The following ZNF780B variants were observed in gnomAD, a reference collection of about 807,000 sequenced individuals.
The protein encoded by ZNF780B is zinc finger protein 779.
In ZNF780B, 52 loss-of-function variants were observed where a neutral mutation model predicts 74.1. That is an observed-to-expected ratio of 0.70 (90% CI 0.56 to 0.88). The LOEUF is 0.88. ZNF780B is among the 40% of genes least tolerant of loss of function. The probability of loss-of-function intolerance (pLI) is 0.00; values close to 1 mark genes in which losing one functional copy is unlikely to be tolerated. For synonymous variants in ZNF780B, 315 were observed against 324.3 expected, an observed-to-expected ratio of 0.97 and a Z score of 0.31; for missense variants, 953 against 1,007.6, an observed-to-expected ratio of 0.95 and a Z score of 0.73.
intron 4 of ZNF780B, among the ~76,000 whole-genome samples, chr19:40,046,489 A>G (rs181537422): frequency 1.1e-4 from 17 of 152,356 alleles, no homozygotes; most frequent in African/African-American, 4.1e-4. Flanking sequence ...CGTAACTCTC[A>G]GACCTTTCTT....
In ZNF780B at chr19:40,050,521, T is replaced by C. The variant is rs1035619763; in HGVS notation, c.-45-144A>G. The C allele has an allele frequency of 1.3e-5, 11 of 854,578 alleles. No homozygotes were observed. The Middle Eastern group carries it at 1.4e-3, about 108-fold the overall frequency. 52.9% of individuals were successfully genotyped at this position (854,578 alleles called of 1,614,324 possible). ...CCACCCTTCTCCCGTCACTCCCTTT[T>C]TCCCTACACACACTCTCACAAATAA... On this transcript the variant is annotated intron_variant, in intron 1 of 4. Transcript: ENST00000434248.
In ZNF780B at chr19:40,034,801, CTGAA is replaced by C; in HGVS notation, c.2054_2057del (p.Ile685SerfsTer52). ...TCGCACTGGAATGAGTTTTCTGATG[CTGAA>C]TAAGGTTTGAAACACGACTAAAGCC... On this transcript the variant is annotated frameshift_variant, in exon 5 of 5. Coordinates refer to ENST00000434248, the MANE Select transcript of ZNF780B (RefSeq NM_001005851.3). LOFTEE classifies it high-confidence loss of function. 6.2e-7 allele frequency: 1 copy of C among 1,613,812 alleles called. No homozygotes were observed. Among genetic ancestry groups the C allele is most frequent in the Non-Finnish European group, 8.5e-7 (1 of 1,179,940 alleles).
chr19:40,052,364 T>C (rs1033595796), intron 1 of ZNF780B, among the ~76,000 whole-genome samples: 2 of 152,200 alleles, frequency 1.3e-5, no homozygotes, highest in Non-Finnish European at 2.9e-5. Context: ...ATCAATGTTC[T>C]ATCTAGATCA....
At chr19:40,050,480 G>T in intron 1 of ZNF780B, 103 bp from the exon 2 acceptor site, 1 of 1,145,646 alleles carries the variant, frequency 8.7e-7, no homozygotes, top group Non-Finnish European at 1.2e-6. Flanking sequence ...AACTACTCCT[G>T]CTCACACGCA....
intron 1 of ZNF780B, chr19:40,055,894 C>T (rs1470262820): frequency 6.5e-6 from 1 of 153,718 alleles, no homozygotes; most frequent in Admixed American, 6.5e-5. Context: ...CACAGTGACA[C>T]TCACACAGCC....
At position 40,047,194 on chromosome 19, in the gene ZNF780B, G is replaced by C. The variant is rs1880722662; in HGVS notation, c.232+181C>G. On this transcript the variant is annotated intron_variant, in intron 4 of 4. Coordinates refer to ENST00000434248, the MANE Select transcript of ZNF780B (RefSeq NM_001005851.3). ...GATTAGTAAATGATGAAGTTCCTTG[G>C]GGACAGCTCCTACAGTGATCTTATT... The C allele has an allele frequency of 5.4e-6, 3 of 559,474 alleles. No individual in the cohort carries two copies. The South Asian group carries it at 6.3e-5, about 12-fold the overall frequency. The allele number at this position is 559,474 out of a possible 1,614,324, so 34.7% of individuals were successfully genotyped here. A position where few individuals can be genotyped will look rare whatever the true frequency, so the allele number is the denominator to read the frequency against.
chr19:40,047,581 G>C (rs1972991717), intron 3 of ZNF780B, 111 bp from the exon 4 acceptor site: 3 of 609,362 alleles, frequency 4.9e-6, no homozygotes, highest in Non-Finnish European at 8.0e-6. Flanking sequence ...ATATTGAGAA[G>C]AGACTCCAGA....
At position 40,031,652 on chromosome 19, in the gene ZNF780B, T is replaced by C. The variant is rs1483495207; in HGVS notation, c.*2705A>G. 1 of 155,698 alleles carries C rather than the reference T, an allele frequency of 6.4e-6. No individual in the cohort carries two copies. Among genetic ancestry groups the C allele is most frequent in the African/African-American group, 2.4e-5 (1 of 41,500 alleles). 9.6% of individuals were successfully genotyped at this position (155,698 alleles called of 1,614,324 possible). A position where few individuals can be genotyped will look rare whatever the true frequency, so the allele number is the denominator to read the frequency against. On this transcript the variant is annotated 3_prime_UTR_variant, in exon 5 of 5. Transcript: ENST00000434248. ...TGAACAAAAAAGAGGTTCCGGACAA[T>C]CTTGGCTCCCTATACAATCCAAAGG...
chr19:40,035,298 T>G lies in ZNF780B; in HGVS notation c.1561A>C (p.Ser521Arg). The G allele has an allele frequency of 1.2e-6, 2 of 1,614,140 alleles. No individual in the cohort carries two copies. Among genetic ancestry groups the G allele is most frequent in the South Asian group, 2.2e-5 (2 of 91,080 alleles). Residue 521 changes from serine to arginine, a missense_variant, in exon 5 of 5, where the codon AGT becomes CGT. Coordinates refer to ENST00000434248, the MANE Select transcript of ZNF780B (RefSeq NM_001005851.3). Reference sequence around the variant, plus strand: ...TAGGGCTTCTCACCAGTGTGAATACTCTGATGTTGAACAAGGTTCGAGCCA... The same window carrying G: ...TAGGGCTTCTCACCAGTGTGAATACGCTGATGTTGAACAAGGTTCGAGCCA... ...NRGSNLVQHQ[S>R]IHTGEKPYEC... is the part of the protein sequence containing the mutation.
intron 1 of ZNF780B, among the ~76,000 whole-genome samples, chr19:40,055,836 C>A (rs1196732465): frequency 6.6e-6 from 1 of 152,228 alleles, no homozygotes; most frequent in Non-Finnish European, 1.5e-5. Flanking sequence ...GCCTCTGCAG[C>A]TTTGAAGGGG....
intron 4 of ZNF780B, among the ~76,000 whole-genome samples, chr19:40,039,857 C>G (rs1304264965): frequency 6.6e-6 from 1 of 151,748 alleles, no homozygotes; most frequent in African/African-American, 2.4e-5. Context: ...CATCTGCAAA[C>G]AGGGACAATT....
rs1472566173 is a variant in ZNF780B, at chr19:40,029,929, C to T, written c.*4428G>A. ...TGAGCATAAATAATAATAATTACTA[C>T]AGGTGCTTCTCAACTTACGGGGAGT... On this transcript the variant is annotated 3_prime_UTR_variant, in exon 5 of 5. Coordinates refer to ENST00000434248, the MANE Select transcript of ZNF780B (RefSeq NM_001005851.3). 2 of 152,164 alleles carry T rather than the reference C, an allele frequency of 1.3e-5. No homozygotes were observed. The highest frequency in any genetic ancestry group is 4.8e-5 in the African/African-American group (2 of 41,424). The allele number at this position is 152,164 out of a possible 1,614,324, so 9.4% of individuals were successfully genotyped here. A position where few individuals can be genotyped will look rare whatever the true frequency, so the allele number is the denominator to read the frequency against.
Position 40,035,483 on chromosome 19 carries a change from T to G in ZNF780B, c.1376A>C (p.Gln459Pro), listed in dbSNP as rs911349019. Residue 459 changes from glutamine to proline, a missense_variant, in exon 5 of 5, where the codon CAA (glutamine) becomes CCA (proline). Physicochemically the swap from Gln to Pro is moderately conservative, Grantham distance 76. Coordinates refer to ENST00000434248, the MANE Select transcript of ZNF780B (RefSeq NM_001005851.3). ...ATGAATTTGGCAATGTTGAATAAGT[T>G]GGTAATGATATCGAAAGGCCATCTC... ...ECEMAFRYHYQLIQHCQIHTG... is the reference protein window; with the variant it reads ...ECEMAFRYHYPLIQHCQIHTG... 1.9e-6 allele frequency: 3 copies of G among 1,614,080 alleles called. No individual in the cohort carries two copies. In the African/African-American group the frequency reaches 4.0e-5, roughly 22 times the overall value.
rs1394988620 is a variant in ZNF780B, at chr19:40,028,960, T to C, written c.*5397A>G. 1 of 152,260 alleles carries C rather than the reference T, an allele frequency of 6.6e-6. No homozygotes were observed. The highest frequency in any genetic ancestry group is 1.5e-5 in the Non-Finnish European group (1 of 68,042). The allele number at this position is 152,260 out of a possible 1,614,324, so 9.4% of individuals were successfully genotyped here. A position where few individuals can be genotyped will look rare whatever the true frequency, so the allele number is the denominator to read the frequency against. ...CTTGGAGAAATAACTGCAGTCCTTA[T>C]TCTAGATAGTCACAGCCAACTATCA... On this transcript the variant is annotated 3_prime_UTR_variant, in exon 5 of 5. Coordinates refer to ENST00000434248, the MANE Select transcript of ZNF780B (RefSeq NM_001005851.3).
intron 4 of ZNF780B, among the ~76,000 whole-genome samples, chr19:40,043,410 G>C (rs962093298): frequency 3.9e-5 from 6 of 152,234 alleles, no homozygotes; most frequent in African/African-American, 1.2e-4. Flanking sequence ...CAGATCTCCA[G>C]CTGCGTGCTG....
intron 4 of ZNF780B, among the ~76,000 whole-genome samples, chr19:40,044,775 A>G (rs1972857399): frequency 1.3e-5 from 2 of 152,360 alleles, no homozygotes; most frequent in Non-Finnish European, 2.9e-5. Context: ...AAAAAATAAA[A>G]GAGAAAGGAA....
intron 1 of ZNF780B, among the ~76,000 whole-genome samples, chr19:40,050,908 G>GT (rs1180167091): frequency 6.6e-6 from 1 of 152,196 alleles, no homozygotes; most frequent in Admixed American, 6.5e-5. Flanking sequence ...GCCAGCTGGG[G>GT]TAAGTACAGT....
At chr19:40,043,523 G>C (rs1270169036) in intron 4 of ZNF780B, among the ~76,000 whole-genome samples, 1 of 152,262 alleles carries the variant, frequency 6.6e-6, no homozygotes, top group East Asian at 1.9e-4. Flanking sequence ...GCCTACAGAG[G>C]CAGGCAGTCC....
Position 40,033,656 on chromosome 19 carries a change from G to C in ZNF780B, c.*701C>G, listed in dbSNP as rs1415559285. 1 of 154,460 alleles carries C rather than the reference G, an allele frequency of 6.5e-6. No homozygotes were observed. The highest frequency in any genetic ancestry group is 6.5e-5 in the Admixed American group (1 of 15,300). 9.6% of individuals were successfully genotyped at this position (154,460 alleles called of 1,614,324 possible). On this transcript the variant is annotated 3_prime_UTR_variant, in exon 5 of 5. Transcript: ENST00000434248. ...GAGTAAATTTTTCATACACAGTGAA[G>C]GCTTGTCTACACTCCTTATATTCAT...
Sources: allele counts gnomAD v4.1 joint callset (sites outside exome capture counted in the v4.1 genomes callset), GRCh38; gene constraint gnomAD v4.1.1; transcripts MANE v1.5; gene names NCBI Gene and HGNC (gene_info 2026-07-23, HGNC 2026-07-21).